The following PREX2 variants were observed in gnomAD, a reference collection of about 807,000 sequenced individuals.
PREX2 encodes phosphatidylinositol 3,4,5-trisphosphate-dependent Rac exchanger 2 protein.
Under a neutral mutation model 203.2 loss-of-function variants are expected in PREX2, and 107 were observed. The observed-to-expected ratio is 0.53, with a 90% CI of 0.45 to 0.62. The LOEUF (loss-of-function observed/expected upper bound fraction) is 0.62, where lower values mean the gene tolerates loss of function less well. Ranked by LOEUF, PREX2 falls within the 20% of genes least tolerant of loss-of-function variation. The pLI, the probability that PREX2 is intolerant of heterozygous loss-of-function variation, is 0.00. For synonymous variants in PREX2, 672 were observed against 663.6 expected, an observed-to-expected ratio of 1.01 and a Z score of -0.19; for missense variants, 1,777 against 1,955.9, an observed-to-expected ratio of 0.91 and a Z score of 1.72.
At chr8:68,078,930 A>G (rs1259363218) in intron 15 of PREX2, among the ~76,000 whole-genome samples, 1 of 152,200 alleles carries the variant, frequency 6.6e-6, no homozygotes, top group Admixed American at 6.5e-5. Context: ...ATGCCCTATC[A>G]TGCTCCTTTT....
intron 27 of PREX2, 179 bp downstream of exon 27, chr8:68,118,823 A>G (rs1274153075): frequency 1.4e-6 from 1 of 735,874 alleles, no homozygotes; most frequent in Non-Finnish European, 2.5e-6. Context: ...TCCCAATCCC[A>G]TTTTAAAGGG....
chr8:68,025,695 G>C (rs1258659547), intron 4 of PREX2, among the ~76,000 whole-genome samples: 2 of 151,860 alleles, frequency 1.3e-5, no homozygotes, highest in African/African-American at 4.8e-5. Context: ...AATCTCCTGG[G>C]CTCAAGCGAT....
intron 35 of PREX2, among the ~76,000 whole-genome samples, chr8:68,179,701 A>G (rs530481704): frequency 1.3e-5 from 2 of 152,282 alleles, no homozygotes; most frequent in Non-Finnish European, 2.9e-5. Flanking sequence ...CTGCTGCTCT[A>G]CAGAATATTG....
Position 67,991,832 on chromosome 8 carries a change from G to A in PREX2, c.142-26014G>A, listed in dbSNP as rs553692918. ...ACTCAACTTTAGCCAATTGGTGCCA[G>A]CCAGGAATGTGGGCCCAGTACAGTC... On this transcript the variant is annotated intron_variant, in intron 1 of 39. Transcript: ENST00000288368. Among the ~76,000 whole-genome samples, 5 of 152,290 alleles carry A rather than the reference G, an allele frequency of 3.3e-5. No homozygotes were observed. In the East Asian group the frequency reaches 9.7e-4, roughly 29 times the overall value.
At chr8:68,117,310 G>A (rs181349878) in intron 26 of PREX2, among the ~76,000 whole-genome samples, 1 of 152,282 alleles carries the variant, frequency 6.6e-6, no homozygotes. Flanking sequence ...ATGAGACCAG[G>A]TGGTCTGGCT....
chr8:68,056,490 G>C (rs1205344457), intron 10 of PREX2, among the ~76,000 whole-genome samples: 1 of 152,124 alleles, frequency 6.6e-6, no homozygotes, highest in Non-Finnish European at 1.5e-5. Context: ...AGGTCACTTT[G>C]GTTTTTGGAG....
At chr8:68,017,696 A>T (rs1369544136) in intron 1 of PREX2, 150 bp from the exon 2 acceptor site, 3 of 618,704 alleles carry the variant, frequency 4.8e-6, no homozygotes, top group Admixed American at 2.6e-5. Flanking sequence ...GCAATGCACA[A>T]GGGTTTCTGT....
intron 25 of PREX2, 71 bp from the exon 26 acceptor site, chr8:68,115,678 GTATT>G: frequency 1.0e-6 from 1 of 962,636 alleles, no homozygotes; most frequent in Non-Finnish European, 1.5e-6. Context: ...TAAGCCTATT[GTATT>G]CAGCAAATAA....
chr8:68,130,114 CAA>C (rs71253064), intron 31 of PREX2, among the ~76,000 whole-genome samples: 19 of 102,658 alleles, frequency 1.9e-4, no homozygotes, highest in Non-Finnish European at 1.7e-4. Flanking sequence ...CCTGCCTCTG[CAA>C]AAAAAAAAAA....
chr8:68,137,052 T>C (rs1283572902), intron 32 of PREX2, among the ~76,000 whole-genome samples: 3 of 151,834 alleles, frequency 2.0e-5, no homozygotes, highest in Admixed American at 2.0e-4. Flanking sequence ...ATTATAGGTG[T>C]GCACCACGAT....
chr8:68,192,698 A>C, intron 37 of PREX2, 173 bp downstream of exon 37: 1 of 498,178 alleles, frequency 2.0e-6, no homozygotes, highest in Non-Finnish European at 3.4e-6. Context: ...TTCAGTGACT[A>C]TTTAGTCATA....
intron 5 of PREX2, among the ~76,000 whole-genome samples, chr8:68,029,486 C>T (rs978976163): frequency 1.3e-5 from 2 of 152,120 alleles, no homozygotes; most frequent in Non-Finnish European, 2.9e-5. Flanking sequence ...GTTAGCTCTG[C>T]AGAACAAGGT....
intron 21 of PREX2, 138 bp from the exon 22 acceptor site, chr8:68,096,876 GAAT>G: frequency 1.5e-6 from 1 of 686,618 alleles, no homozygotes; most frequent in South Asian, 1.9e-5. Context: ...ATGTTAACAA[GAAT>G]AGATGCTTCA....
intron 23 of PREX2, among the ~76,000 whole-genome samples, chr8:68,104,763 A>G (rs544563529): frequency 9.1e-4 from 138 of 152,318 alleles, no homozygotes; most frequent in Middle Eastern, 6.8e-3. Flanking sequence ...GTTCCCCAAC[A>G]TGCTGAGGGC....
At chr8:68,042,088 A>T (rs966440106) in intron 7 of PREX2, among the ~76,000 whole-genome samples, 7 of 152,042 alleles carry the variant, frequency 4.6e-5, no homozygotes, top group African/African-American at 1.7e-4. Flanking sequence ...TTCACTTAGA[A>T]TACTTCACTC....
At position 68,192,408 on chromosome 8, in the gene PREX2, C is replaced by A; in HGVS notation, c.4487C>A (p.Ala1496Asp). 1.2e-6 allele frequency: 2 copies of A among 1,614,038 alleles called. No individual in the cohort carries two copies. Among genetic ancestry groups the A allele is most frequent in the Non-Finnish European group, 8.5e-7 (1 of 1,179,918 alleles). The change falls in exon 37 of 40, where the codon GCT (alanine) becomes GAT (aspartate). Residue 1496 changes from alanine (A) to aspartate (D), a missense_variant. Transcript: ENST00000288368. ...VASFIRSKRT[A>D]ACANTACSAS... is the part of the protein sequence containing the mutation. ...TCGTTTATCAGATCCAAGCGCACAG[C>A]TGCCTGTGCAAACACAGCTTGCAGT...
Position 68,197,102 on chromosome 8 carries a change from C to G in PREX2, c.4604+4577C>G, listed in dbSNP as rs995735857. ...CCTATATTCTCACATTACAGAAGAGCAAAAGGGAGGGAAGAGCTCCCCAAA... is the reference window on the plus strand; with the variant it reads ...CCTATATTCTCACATTACAGAAGAGGAAAAGGGAGGGAAGAGCTCCCCAAA... On this transcript the variant is annotated intron_variant, in intron 37 of 39. Coordinates refer to ENST00000288368, the MANE Select transcript of PREX2 (RefSeq NM_024870.4). Among the ~76,000 whole-genome samples, 10 of 151,982 alleles carry G rather than the reference C, an allele frequency of 6.6e-5. No homozygotes were observed. The East Asian group carries it at 1.9e-3, about 29-fold the overall frequency.
At chr8:68,003,465 A>G (rs1397679969) in intron 1 of PREX2, among the ~76,000 whole-genome samples, 1 of 152,224 alleles carries the variant, frequency 6.6e-6, no homozygotes, top group Non-Finnish European at 1.5e-5. Flanking sequence ...TAGACCAGGA[A>G]GACTTTAGCT....
chr8:68,003,907 G>C (rs62520736), intron 1 of PREX2, among the ~76,000 whole-genome samples: 65,496 of 144,414 alleles, frequency 0.45, 14,780 homozygotes, highest in East Asian at 0.61. Context: ...GGAGTGCAGT[G>C]GCGCAATCTC....
Sources: allele counts gnomAD v4.1 joint callset (sites outside exome capture counted in the v4.1 genomes callset), GRCh38; gene constraint gnomAD v4.1.1; transcripts MANE v1.5; gene names NCBI Gene and HGNC (gene_info 2026-07-23, HGNC 2026-07-21).